The following RHOBTB2 variants were observed in gnomAD, a reference collection of about 807,000 sequenced individuals.
RHOBTB2 encodes the protein rho-related BTB domain-containing protein 2.
A neutral mutation model predicts 66.5 loss-of-function variants in RHOBTB2; 39 were observed. That is an observed-to-expected ratio of 0.59 (90% CI 0.45 to 0.77). The LOEUF (loss-of-function observed/expected upper bound fraction) is 0.77. Ranked by LOEUF, RHOBTB2 falls within the 30% of genes least tolerant of loss-of-function variation. RHOBTB2 has a pLI of 0.00. For missense variants in RHOBTB2, 755 were observed against 999.1 expected (o/e 0.76, Z 3.29); for synonymous variants, 390 against 395.0 (o/e 0.99, Z 0.15).
At position 23,006,953 on chromosome 8, in the gene RHOBTB2, C is replaced by A. The variant is rs745318954; in HGVS notation, c.708C>A (p.Pro236=). The change falls in exon 5 of 10, where the codon CCC becomes CCA. Residue 236 remains proline, a synonymous_variant. Coordinates refer to ENST00000251822, the MANE Select transcript of RHOBTB2 (RefSeq NM_015178.3). This position sits in a 1 kb window ranked among gnomAD's most constrained non-coding sequence, Gnocchi z 6.1. The part of the protein sequence containing the change: ...RPLLQAPFLP[P]KPPPPIIVVP... ...TGCTGCAGGCACCCTTCCTACCCCCCAAGCCACCGCCCCCGATCATCGTGG... is the reference window on the plus strand; with the variant it reads ...TGCTGCAGGCACCCTTCCTACCCCCAAAGCCACCGCCCCCGATCATCGTGG... 2 of 1,612,254 alleles carry A rather than the reference C, an allele frequency of 1.2e-6. No individual in the cohort carries two copies. Among genetic ancestry groups the A allele is most frequent in the Admixed American group, 1.7e-5 (1 of 60,018 alleles).
At chr8:23,016,385 C>T (rs1284458468) in intron 9 of RHOBTB2, among the ~76,000 whole-genome samples, 1 of 152,138 alleles carries the variant, frequency 6.6e-6, no homozygotes, top group African/African-American at 2.4e-5. Context: ...CTCCTTTTCA[C>T]TACTACAACA....
At position 23,006,757 on chromosome 8, in the gene RHOBTB2, C is replaced by G. The variant is rs1231320998; in HGVS notation, c.512C>G (p.Pro171Arg). 1 of 1,613,182 alleles carries G rather than the reference C, an allele frequency of 6.2e-7. No homozygotes were observed. Among genetic ancestry groups the G allele is most frequent in the Non-Finnish European group, 8.5e-7 (1 of 1,179,308 alleles). Residue 171 changes from proline to arginine, a missense_variant, in exon 5 of 10, where the codon CCA becomes CGA. Pro to Arg is a moderately radical substitution (Grantham distance 103). Around this residue, in one of 7 missense-constraint regions of RHOBTB2, gnomAD observed 20 missense variants for 59.0 expected, o/e 0.34. Transcript: ENST00000251822. The surrounding 1 kb of genome is among the most constrained non-coding windows in gnomAD (Gnocchi z 6.1). The part of the protein sequence containing the change: ...RPIKPNEILP[P>R]EKGREVAKEL... ...ATCAAACCTAATGAAATCCTGCCCC[C>G]AGAGAAGGGTCGGGAGGTGGCCAAG...
chr8:22,980,811 C>A, the RHOBTB2 span, among the ~76,000 whole-genome samples: 1 of 152,282 alleles, frequency 6.6e-6, no homozygotes, highest in African/African-American at 2.4e-5. Context: ...TGTGATGTCC[C>A]AAATACTTTA....
At chr8:22,959,769 C>A in the RHOBTB2 span, among the ~76,000 whole-genome samples, 1 of 152,036 alleles carries the variant, frequency 6.6e-6, no homozygotes, top group Non-Finnish European at 1.5e-5. Context: ...TAAGGCTGTT[C>A]AGGCAGAAGT....
the RHOBTB2 span, among the ~76,000 whole-genome samples, chr8:22,957,230 G>A: frequency 1.8e-4 from 27 of 152,274 alleles, no homozygotes; most frequent in African/African-American, 6.3e-4. Flanking sequence ...GTGGGATGCC[G>A]ATGTGTATTC....
At chr8:22,959,026 A>G in the RHOBTB2 span, among the ~76,000 whole-genome samples, 1 of 152,238 alleles carries the variant, frequency 6.6e-6, no homozygotes, top group Non-Finnish European at 1.5e-5. Flanking sequence ...TTTTTGTATG[A>G]AGATGATTGG....
intron 1 of RHOBTB2, among the ~76,000 whole-genome samples, chr8:23,001,426 G>A (rs1810777304): frequency 6.7e-6 from 1 of 149,322 alleles, no homozygotes; most frequent in African/African-American, 2.6e-5. Flanking sequence ...CAACATCCTA[G>A]GGCAAAAATT....
At chr8:22,969,266 A>G in the RHOBTB2 span, among the ~76,000 whole-genome samples, 1 of 152,180 alleles carries the variant, frequency 6.6e-6, no homozygotes, top group African/African-American at 2.4e-5. Context: ...CCACCCCCGC[A>G]TGATTCAATT....
the RHOBTB2 span, among the ~76,000 whole-genome samples, chr8:22,973,217 C>G: frequency 2.0e-5 from 3 of 152,110 alleles, no homozygotes; most frequent in Non-Finnish European, 4.4e-5. Context: ...ATTTTTCTTT[C>G]TTACATTTGT....
At chr8:23,009,179 A>AGAGG (rs1352729354) in intron 6 of RHOBTB2, among the ~76,000 whole-genome samples, 15 of 137,062 alleles carry the variant, frequency 1.1e-4, no homozygotes, top group African/African-American at 3.7e-4. Flanking sequence ...AAAGAGAGAG[A>AGAGG]GAGAGAAAAG....
intron 2 of RHOBTB2, among the ~76,000 whole-genome samples, chr8:22,994,254 G>C (rs1039505467): frequency 1.3e-5 from 2 of 152,188 alleles, no homozygotes; most frequent in African/African-American, 4.8e-5. Context: ...TCCGATGCAT[G>C]ACTGACCGCT....
intron 7 of RHOBTB2, among the ~76,000 whole-genome samples, chr8:23,011,729 A>C (rs957903488): frequency 6.6e-6 from 1 of 152,120 alleles, no homozygotes; most frequent in Non-Finnish European, 1.5e-5. Flanking sequence ...TTGAGTTGCT[A>C]GTGGTGGCGG....
Position 23,017,139 on chromosome 8 carries a change from G to A in RHOBTB2, c.1967-113G>A. ...GTGCCGTGGGTCATGGGGATGTGCT[G>A]GGGGCTGGGCTGGAGGCCTGCTGCA... On this transcript the variant is annotated intron_variant, in intron 9 of 9. Transcript: ENST00000251822. The surrounding 1 kb of genome is among the most constrained non-coding windows in gnomAD (Gnocchi z 5.3). 3 of 1,373,192 alleles carry A rather than the reference G, an allele frequency of 2.2e-6. No individual in the cohort carries two copies. The highest frequency in any genetic ancestry group is 3.0e-6 in the Non-Finnish European group (3 of 986,026). 85.1% of individuals were successfully genotyped at this position (1,373,192 alleles called of 1,614,324 possible).
the RHOBTB2 span, among the ~76,000 whole-genome samples, chr8:22,976,780 C>T: frequency 6.6e-6 from 1 of 152,076 alleles, no homozygotes; most frequent in Admixed American, 6.5e-5. Flanking sequence ...CATGTGCCAC[C>T]ATCCCCAGAT....
the RHOBTB2 span, among the ~76,000 whole-genome samples, chr8:22,958,315 G>A: frequency 6.6e-6 from 1 of 152,140 alleles, no homozygotes; most frequent in African/African-American, 2.4e-5. Context: ...TCTGCAACCT[G>A]GAAAAGTGAA....
At chr8:22,968,026 C>T in the RHOBTB2 span, among the ~76,000 whole-genome samples, 6 of 151,948 alleles carry the variant, frequency 3.9e-5, no homozygotes, top group Admixed American at 6.6e-5. Flanking sequence ...CAAGGTGGTG[C>T]GCGCCTGTAG....
intron 1 of RHOBTB2, among the ~76,000 whole-genome samples, chr8:23,000,893 G>C (rs186064181): frequency 6.6e-6 from 1 of 151,466 alleles, no homozygotes; most frequent in East Asian, 1.9e-4. Flanking sequence ...GGGAGATTCT[G>C]TTGTTTCCTT....
rs1219262106 is a variant in RHOBTB2 at position 23,006,900 on chromosome 8, TC to T, written c.658del (p.His220ThrfsTer81). 6.2e-7 allele frequency: 1 copy of T among 1,613,986 alleles called. No homozygotes were observed. The highest frequency in any genetic ancestry group is 1.7e-5 in the Admixed American group (1 of 60,010). ...CCGCCGCCACCTGCAGTTCTGGAAGTCCCACCTCCGCAATGTGCAGCGGCCT... is the reference window on the plus strand; with the variant it reads ...CCGCCGCCACCTGCAGTTCTGGAAGTCCACCTCCGCAATGTGCAGCGGCCT... ...ISRRHLQFWK[S>X]HLRNVQRPLL... On this transcript the variant is annotated frameshift_variant, in exon 5 of 10. Coordinates refer to ENST00000251822, the MANE Select transcript of RHOBTB2 (RefSeq NM_015178.3). LOFTEE classifies it high-confidence loss of function. This position sits in a 1 kb window ranked among gnomAD's most constrained non-coding sequence, Gnocchi z 6.1.
Position 23,018,507 on chromosome 8 carries a change from C to G in RHOBTB2, c.*1038C>G, listed in dbSNP as rs1044640777. 1.3e-5 allele frequency: 2 copies of G among 152,346 alleles called. No individual in the cohort carries two copies. The highest frequency in any genetic ancestry group is 4.8e-5 in the African/African-American group (2 of 41,446). The allele number at this position is 152,346 out of a possible 1,614,324, so 9.4% of individuals were successfully genotyped here. A position where few individuals can be genotyped will look rare whatever the true frequency, so the allele number is the denominator to read the frequency against. ...GATGAGGAGGTGAAGATTTAGGTTGCAGAATCGACTCCAATGCCTTTCAGG... is the reference window on the plus strand; with the variant it reads ...GATGAGGAGGTGAAGATTTAGGTTGGAGAATCGACTCCAATGCCTTTCAGG... On this transcript the variant is annotated 3_prime_UTR_variant, in exon 10 of 10. Coordinates refer to ENST00000251822, the MANE Select transcript of RHOBTB2 (RefSeq NM_015178.3).
Sources: allele counts gnomAD v4.1 joint callset (sites outside exome capture counted in the v4.1 genomes callset), GRCh38; gene constraint gnomAD v4.1.1; regional missense constraint gnomAD v4.1.1; non-coding constraint Gnocchi (gnomAD v3.1); transcripts MANE v1.5; gene names NCBI Gene and HGNC (gene_info 2026-07-23, HGNC 2026-07-21).